Variants in GGT7 observed in about 807,000 individuals in gnomAD.
GGT7 encodes gamma-glutamyltransferase 7, also known as glutathione hydrolase 7.
GGT7 carries 30 observed loss-of-function variants against 69.2 expected under a neutral mutation model. That is an observed-to-expected ratio of 0.43 (90% CI 0.32 to 0.59). The LOEUF is 0.59. Ranked by LOEUF, GGT7 falls within the 20% of genes least tolerant of loss-of-function variation. GGT7 has a pLI of 0.05. For missense variants in GGT7, 733 were observed against 901.1 expected, an observed-to-expected ratio of 0.81 and a Z score of 2.39; for synonymous variants, 388 against 391.8, an observed-to-expected ratio of 0.99 and a Z score of 0.12.
intron 1 of GGT7, among the ~76,000 whole-genome samples, chr20:34,868,697 T>C (rs1277520269): frequency 6.6e-6 from 1 of 152,172 alleles, no homozygotes; most frequent in African/African-American, 2.4e-5. Context: ...TAACAGGCAA[T>C]GTGAACAAAG....
At position 34,845,230 on chromosome 20, in the gene GGT7, G is replaced by A. The variant is rs1232190654; in HGVS notation, c.*98C>T. On this transcript the variant is annotated 3_prime_UTR_variant, in exon 15 of 15. Coordinates refer to ENST00000336431, the MANE Select transcript of GGT7 (RefSeq NM_178026.3). The stretch of plus-strand genomic sequence containing the variant: ...GCATCCCCTCTGGCCCCTGATCTGG[G>A]GCATCCCTGGGGTCCCCCTGAGACC... 8.7e-6 allele frequency: 10 copies of A among 1,144,338 alleles called. No individual in the cohort carries two copies. In the Admixed American group the frequency reaches 1.3e-4, roughly 15 times the overall value. The allele number at this position is 1,144,338 out of a possible 1,614,324, so 70.9% of individuals were successfully genotyped here.
intron 1 of GGT7, among the ~76,000 whole-genome samples, chr20:34,864,584 G>C (rs1422803216): frequency 1.3e-5 from 2 of 151,928 alleles, no homozygotes; most frequent in Non-Finnish European, 2.9e-5. Context: ...AGCTGGGCAT[G>C]GTGATGTGTG....
intron 3 of GGT7, 61 bp from the exon 4 acceptor site, chr20:34,861,623 C>G (rs2079598059): frequency 9.9e-7 from 1 of 1,013,050 alleles, no homozygotes; most frequent in African/African-American, 1.6e-5. Flanking sequence ...TACAATGAAT[C>G]TGCTGCCCCT....
chr20:34,864,762 T>C (rs1423940455), intron 1 of GGT7, among the ~76,000 whole-genome samples: 2 of 151,094 alleles, frequency 1.3e-5, no homozygotes, highest in Non-Finnish European at 2.9e-5. Flanking sequence ...GGGGCTCTAC[T>C]AGCCTGGGGA....
Position 34,872,839 on chromosome 20 carries a change from G to T in GGT7, c.-24C>A. 3.0e-6 allele frequency: 4 copies of T among 1,322,682 alleles called. No individual in the cohort carries two copies. The highest frequency in any genetic ancestry group is 3.9e-6 in the Non-Finnish European group (4 of 1,029,088). The allele number at this position is 1,322,682 out of a possible 1,614,324, so 81.9% of individuals were successfully genotyped here. Reference sequence around the variant, plus strand: ...ATCCTCGCCCGCGCCCCCCAGCAGCGCAGCGCCTGCCGGAAGTGGCTGCGG... The same window carrying T: ...ATCCTCGCCCGCGCCCCCCAGCAGCTCAGCGCCTGCCGGAAGTGGCTGCGG... On this transcript the variant is annotated 5_prime_UTR_variant, in exon 1 of 15. Transcript: ENST00000336431.
intron 4 of GGT7, 67 bp downstream of exon 4, chr20:34,861,378 C>A (rs780936762): frequency 1.4e-6 from 1 of 707,242 alleles, no homozygotes; most frequent in Non-Finnish European, 2.3e-6. Flanking sequence ...CAAATTAATG[C>A]TTGGGTTAGC....
intron 8 of GGT7, among the ~76,000 whole-genome samples, chr20:34,856,605 A>G (rs2079495696): frequency 6.6e-6 from 1 of 152,166 alleles, no homozygotes; most frequent in South Asian, 2.1e-4. Flanking sequence ...AATATCCTAA[A>G]TACTTGGGGT....
intron 10 of GGT7, among the ~76,000 whole-genome samples, chr20:34,853,340 G>GGTGTGTGTGTGTGT (rs10527077): frequency 8.2e-4 from 121 of 147,426 alleles, no homozygotes; most frequent in African/African-American, 2.8e-3. Context: ...ATTTCATATA[G>GGTGTGTGTGTGTGT]GTGTGTGTGT....
chr20:34,849,161 CTTT>C (rs750114916), intron 14 of GGT7, among the ~76,000 whole-genome samples: 5 of 138,394 alleles, frequency 3.6e-5, no homozygotes, highest in East Asian at 2.1e-4. Context: ...CTCTCTCTTA[CTTT>C]TTTTTTTTTT....
At chr20:34,852,359 G>A in intron 11 of GGT7, 30 bp downstream of exon 11, 1 of 1,608,772 alleles carries the variant, frequency 6.2e-7, no homozygotes, top group Non-Finnish European at 8.5e-7. Flanking sequence ...AGGATCCCTT[G>A]TTCCAGGTTC....
chr20:34,868,634 GACCAAAGTAT>G (rs1479077453), intron 1 of GGT7, among the ~76,000 whole-genome samples: 1 of 152,092 alleles, frequency 6.6e-6, no homozygotes, highest in African/African-American at 2.4e-5. Flanking sequence ...CCTCATCCCT[GACCAAAGTAT>G]ATAACTCAGA....
chr20:34,852,554 G>T lies in GGT7; in HGVS notation c.1320-16C>A. The T allele has an allele frequency of 6.4e-7, 1 of 1,561,160 alleles. No homozygotes were observed. Among genetic ancestry groups the T allele is most frequent in the Non-Finnish European group, 8.7e-7 (1 of 1,155,758 alleles). ...CTCCACCTTGCTGAAAAGACAAGGGGTGGGAGATGAGCAAACAACAGGCTC... is the reference window on the plus strand; with the variant it reads ...CTCCACCTTGCTGAAAAGACAAGGGTTGGGAGATGAGCAAACAACAGGCTC... On this transcript the variant is annotated splice_polypyrimidine_tract_variant and intron_variant, in intron 10 of 14. Transcript: ENST00000336431.
chr20:34,845,067 T>C lies in GGT7; in HGVS notation c.*261A>G, dbSNP rs2079277513. 2 of 514,260 alleles carry C rather than the reference T, an allele frequency of 3.9e-6. No homozygotes were observed. Among genetic ancestry groups the C allele is most frequent in the East Asian group, 3.3e-5 (1 of 29,920 alleles). The allele number at this position is 514,260 out of a possible 1,614,324, so 31.9% of individuals were successfully genotyped here. ...GGTGACACACAGACAGATAGTCTGA[T>C]TCCTCAAGGTCCTGCCTGCCTGGCT... On this transcript the variant is annotated 3_prime_UTR_variant, in exon 15 of 15. Coordinates refer to ENST00000336431, the MANE Select transcript of GGT7 (RefSeq NM_178026.3).
chr20:34,852,403 A>C lies in GGT7; in HGVS notation c.1455T>G (p.Ile485Met). 6.2e-7 allele frequency: 1 copy of C among 1,614,086 alleles called. No homozygotes were observed. The highest frequency in any genetic ancestry group is 8.5e-7 in the Non-Finnish European group (1 of 1,180,014). Residue 485 changes from isoleucine to methionine, a missense_variant, in exon 11 of 15, where the codon ATT becomes ATG. Coordinates refer to ENST00000336431, the MANE Select transcript of GGT7 (RefSeq NM_178026.3). ...AGCTGGCATACCTAACCATGGCCACAATGAAGTCATCAGGTCCCATGATCA... is the reference window on the plus strand; with the variant it reads ...AGCTGGCATACCTAACCATGGCCACCATGAAGTCATCAGGTCCCATGATCA... ...QVLIMGPDDF[I>M]VAMVSSLNQP...
intron 7 of GGT7, 22 bp downstream of exon 7, chr20:34,859,421 C>A (rs558524704): frequency 1.3e-6 from 2 of 1,549,056 alleles, no homozygotes; most frequent in Admixed American, 1.8e-5. Flanking sequence ...CATGCCCCCA[C>A]CCGCACAACA....
chr20:34,870,400 A>T (rs961759296), intron 1 of GGT7, among the ~76,000 whole-genome samples: 1 of 152,170 alleles, frequency 6.6e-6, no homozygotes, highest in African/African-American at 2.4e-5. Context: ...CCATTCTTTC[A>T]TCCTGAGATC....
At chr20:34,855,943 C>A (rs555595338) in intron 8 of GGT7, among the ~76,000 whole-genome samples, 2 of 152,122 alleles carry the variant, frequency 1.3e-5, no homozygotes, top group East Asian at 3.8e-4. Flanking sequence ...TATAGGTACA[C>A]CACCACGCCT....
intron 10 of GGT7, 142 bp from the exon 11 acceptor site, chr20:34,852,680 A>C: frequency 7.3e-5 from 48 of 653,178 alleles, no homozygotes; most frequent in Middle Eastern, 4.2e-4. Context: ...GCAGAAGCTC[A>C]TTAATTGCAC....
chr20:34,864,315 A>C (rs1456952100), intron 1 of GGT7, among the ~76,000 whole-genome samples: 2 of 152,100 alleles, frequency 1.3e-5, no homozygotes, highest in African/African-American at 2.4e-5. Flanking sequence ...GGAACAGTGG[A>C]TGCAAAGGCC....
Sources: gnomAD v4.1 joint callset for allele counts (sites outside exome capture counted in the v4.1 genomes callset) on GRCh38, gnomAD v4.1.1 for gene constraint, MANE v1.5 for transcripts, NCBI Gene and HGNC (gene_info 2026-07-23, HGNC 2026-07-21) for gene names.